Variants in RARB observed in about 807,000 individuals in gnomAD.
RARB encodes retinoic acid receptor beta.
In RARB, 17 loss-of-function variants were observed where a neutral mutation model predicts 51.9. The ratio of observed to expected loss-of-function variants is 0.33; its 90% CI spans 0.22 to 0.49. RARB has a LOEUF of 0.49. Among genes scored for constraint, RARB ranks in the 20% least tolerant of loss-of-function variants. The probability of loss-of-function intolerance (pLI) is 0.99; values close to 1 mark genes in which losing one functional copy is unlikely to be tolerated. For synonymous variants in RARB, 215 were observed against 195.4 expected (o/e 1.10, Z -0.84); for missense variants, 369 against 550.8 (o/e 0.67, Z 3.30).
chr3:25,428,679 C>G lies in RARB; in HGVS notation c.-53C>G, dbSNP rs184123610. 57 of 1,554,716 alleles carry G rather than the reference C, an allele frequency of 3.7e-5. No homozygotes were observed. In the Admixed American group the frequency reaches 7.8e-4, roughly 21 times the overall value. On this transcript the variant is annotated 5_prime_UTR_variant, in exon 1 of 8. Coordinates refer to ENST00000330688, the MANE Select transcript of RARB (RefSeq NM_000965.5). ...TGGGTGGACTTTTCTATGCCATTTG[C>G]CTCCACACCTAGAGGATAAGCACTT...
intron 3 of RARB, among the ~76,000 whole-genome samples, chr3:25,519,211 G>T (rs761174778): frequency 2.6e-5 from 4 of 152,144 alleles, no homozygotes; most frequent in Non-Finnish European, 5.9e-5. Context: ...AAGCTATTAT[G>T]AATAACATTG....
intron 5 of RARB, among the ~76,000 whole-genome samples, chr3:25,322,857 GT>G (rs1264630687): frequency 6.6e-6 from 1 of 152,198 alleles, no homozygotes; most frequent in African/African-American, 2.4e-5. Flanking sequence ...TCTAAAGAGA[GT>G]TGGTCAGTGA....
At chr3:24,964,426 T>G (rs1015316794) in intron 2 of RARB, among the ~76,000 whole-genome samples, 21 of 152,198 alleles carry the variant, frequency 1.4e-4, no homozygotes, top group Admixed American at 6.5e-5. Flanking sequence ...TAGCATAAAC[T>G]GTTGAGTCAT....
At chr3:25,225,340 A>G (rs1283041601) in intron 5 of RARB, among the ~76,000 whole-genome samples, 1 of 152,158 alleles carries the variant, frequency 6.6e-6, no homozygotes. Flanking sequence ...TTAATATGAT[A>G]AAGGTGATTC....
At chr3:24,895,567 T>C (rs976202644) in intron 2 of RARB, among the ~76,000 whole-genome samples, 36 of 152,188 alleles carry the variant, frequency 2.4e-4, no homozygotes, top group African/African-American at 8.7e-4. Context: ...CTTTTTTTTT[T>C]CTTTCTATAT....
At chr3:25,177,998 T>G (rs539824078) in intron 5 of RARB, among the ~76,000 whole-genome samples, 19 of 152,202 alleles carry the variant, frequency 1.2e-4, no homozygotes, top group African/African-American at 4.6e-4. Context: ...TAGGCAATGA[T>G]TTCACGTAAC....
intron 2 of RARB, among the ~76,000 whole-genome samples, chr3:24,979,223 A>G (rs1696585517): frequency 6.6e-6 from 1 of 152,182 alleles, no homozygotes; most frequent in Non-Finnish European, 1.5e-5. Context: ...AAGAATGTAT[A>G]TTCTGTTGAT....
intron 2 of RARB, among the ~76,000 whole-genome samples, chr3:25,040,034 T>A (rs553909099): frequency 1.5e-4 from 23 of 152,340 alleles, no homozygotes; most frequent in African/African-American, 5.5e-4. Context: ...ATTCTCCTGA[T>A]ATCCTGAAGG....
intron 2 of RARB, among the ~76,000 whole-genome samples, chr3:24,988,212 T>A (rs1419172315): frequency 6.6e-6 from 1 of 152,212 alleles, no homozygotes; most frequent in Non-Finnish European, 1.5e-5. Context: ...TAAATATGAT[T>A]GATACGAATA....
intron 3 of RARB, among the ~76,000 whole-genome samples, chr3:25,516,443 G>A (rs1316058523): frequency 6.6e-6 from 1 of 151,818 alleles, no homozygotes; most frequent in African/African-American, 2.4e-5. Flanking sequence ...AAAAAGCAAG[G>A]TGCTTTATAT....
intron 3 of RARB, among the ~76,000 whole-genome samples, chr3:25,549,022 A>G (rs1315960516): frequency 1.3e-5 from 2 of 152,032 alleles, no homozygotes; most frequent in African/African-American, 4.8e-5. Context: ...CTTCTAGCCA[A>G]TTCCAGTCAT....
intron 5 of RARB, among the ~76,000 whole-genome samples, chr3:25,391,682 A>G (rs1706964272): frequency 6.6e-6 from 1 of 152,112 alleles, no homozygotes; most frequent in African/African-American, 2.4e-5. Flanking sequence ...GGCCATTTGT[A>G]TATCTTCTTT....
chr3:25,544,738 C>T (rs920817702), intron 3 of RARB, among the ~76,000 whole-genome samples: 1 of 152,178 alleles, frequency 6.6e-6, no homozygotes, highest in Non-Finnish European at 1.5e-5. Context: ...CAAGGGGCTG[C>T]TACCTTCCCT....
chr3:24,976,275 G>T (rs1459776772), intron 2 of RARB, among the ~76,000 whole-genome samples: 1 of 152,184 alleles, frequency 6.6e-6, no homozygotes, highest in Non-Finnish European at 1.5e-5. Flanking sequence ...AATTCTTTTG[G>T]TATATACTTA....
intron 5 of RARB, among the ~76,000 whole-genome samples, chr3:25,268,783 C>G (rs1415732550): frequency 1.3e-5 from 2 of 152,302 alleles, no homozygotes; most frequent in African/African-American, 4.8e-5. Context: ...ATGTCAGCCT[C>G]TCTGCGCTTC....
At chr3:25,013,027 C>T (rs1697431139) in intron 2 of RARB, among the ~76,000 whole-genome samples, 1 of 152,076 alleles carries the variant, frequency 6.6e-6, no homozygotes, top group African/African-American at 2.4e-5. Flanking sequence ...GGTAGATGCA[C>T]ATGTAAGGAA....
intron 3 of RARB, among the ~76,000 whole-genome samples, chr3:25,126,441 TCTTTTTTTTTTTTAAAGGTCA>T (rs1315579679): frequency 6.6e-6 from 1 of 150,532 alleles, no homozygotes; most frequent in African/African-American, 2.5e-5. Flanking sequence ...GAAAACAATC[TCTTTTTTTTTTTTAAAGGTCA>T]CTAATGCTAA....
At chr3:25,534,883 C>T (rs573358994) in intron 3 of RARB, among the ~76,000 whole-genome samples, 14 of 152,278 alleles carry the variant, frequency 9.2e-5, no homozygotes, top group African/African-American at 3.1e-4. Context: ...CATCACTCCT[C>T]CAGAGACCCT....
chr3:25,380,530 CCT>C (rs1706593700), intron 5 of RARB, among the ~76,000 whole-genome samples: 1 of 152,158 alleles, frequency 6.6e-6, no homozygotes, highest in African/African-American at 2.4e-5. Context: ...ATTATTTCCC[CCT>C]CTTTCCTCCA....
Sources: gnomAD v4.1 joint callset for allele counts (sites outside exome capture counted in the v4.1 genomes callset) on GRCh38, gnomAD v4.1.1 for gene constraint, MANE v1.5 for transcripts, NCBI Gene and HGNC (gene_info 2026-07-23, HGNC 2026-07-21) for gene names.